The following SCLT1 variants were observed in gnomAD, a reference collection of about 807,000 sequenced individuals.
SCLT1 encodes sodium channel and clathrin linker 1, also known as sodium channel-associated protein 1.
In SCLT1, 78 loss-of-function variants were observed where a neutral mutation model predicts 112.8. That is an observed-to-expected ratio of 0.69 (90% CI 0.58 to 0.83). SCLT1 has a LOEUF of 0.83. Among genes scored for constraint, SCLT1 ranks in the 40% least tolerant of loss-of-function variants. SCLT1 has a pLI of 0.00. For missense variants in SCLT1, 747 were observed against 770.4 expected (o/e 0.97, Z 0.36); for synonymous variants, 257 against 254.7 (o/e 1.01, Z -0.09).
At chr4:128,886,621 A>G (rs954679422) in intron 20 of SCLT1, among the ~76,000 whole-genome samples, 2 of 152,228 alleles carry the variant, frequency 1.3e-5, no homozygotes, top group Non-Finnish European at 1.5e-5. Context: ...CCATCTTCAA[A>G]TAAGAACAGA....
rs199534222 is a variant in SCLT1, at chr4:129,025,179, C to G, written c.290+13862G>C. Among the ~76,000 whole-genome samples the G allele has an allele frequency of 3.9e-5, 6 of 152,186 alleles. No homozygotes were observed. In the East Asian group the frequency reaches 5.8e-4, roughly 15 times the overall value. ...ATCTAGCAAGGCAGGCCAACATTCA[C>G]ATTCAGGAAATACAGAGAACACCAT... is the stretch of plus-strand genomic sequence containing the variant. On this transcript the variant is annotated intron_variant, in intron 5 of 20. Transcript: ENST00000281142.
At chr4:129,090,368 T>C (rs966682177) in intron 1 of SCLT1, among the ~76,000 whole-genome samples, 2 of 152,222 alleles carry the variant, frequency 1.3e-5, no homozygotes, top group African/African-American at 2.4e-5. Flanking sequence ...GGTAATTCAA[T>C]GGAGAAAGGG....
Position 129,093,402 on chromosome 4 carries a change from C to A in SCLT1, c.-299G>T. 1 of 472,686 alleles carries A rather than the reference C, an allele frequency of 2.1e-6. No individual in the cohort carries two copies. The highest frequency in any genetic ancestry group is 3.8e-6 in the Non-Finnish European group (1 of 260,808). 29.3% of individuals were successfully genotyped at this position (472,686 alleles called of 1,614,324 possible). A position where few individuals can be genotyped will look rare whatever the true frequency, so the allele number is the denominator to read the frequency against. ...CGATACAGGCGTCCCGCGGGTCACT[C>A]TGGGTCTCGTCGGGCCACCTAGGAG... On this transcript the variant is annotated 5_prime_UTR_variant, in exon 1 of 21. Transcript: ENST00000281142.
chr4:128,966,891 C>T (rs952411551), intron 10 of SCLT1, among the ~76,000 whole-genome samples: 2 of 150,750 alleles, frequency 1.3e-5, no homozygotes, highest in African/African-American at 2.4e-5. Context: ...TCAGGGGGTA[C>T]ATGGGCAGGT....
intron 19 of SCLT1, 26 bp from the exon 20 acceptor site, chr4:128,888,800 T>G (rs776336097): frequency 2.1e-6 from 3 of 1,419,880 alleles, no homozygotes; most frequent in Non-Finnish European, 3.0e-6. Flanking sequence ...AGAAAACAAG[T>G]TAGAAATCCA....
At chr4:128,968,069 T>C (rs1036446734) in intron 10 of SCLT1, among the ~76,000 whole-genome samples, 1 of 152,220 alleles carries the variant, frequency 6.6e-6, no homozygotes, top group African/African-American at 2.4e-5. Flanking sequence ...TTGTGATGTA[T>C]CTCAAAGTGA....
chr4:129,061,277 G>A (rs1749944956), intron 2 of SCLT1, among the ~76,000 whole-genome samples: 1 of 152,046 alleles, frequency 6.6e-6, no homozygotes, highest in East Asian at 1.9e-4. Context: ...TCCAGCTTTG[G>A]GGGCATCAGA....
chr4:128,930,213 A>G (rs1252573011), intron 18 of SCLT1, among the ~76,000 whole-genome samples: 4 of 152,204 alleles, frequency 2.6e-5, no homozygotes, highest in Non-Finnish European at 5.9e-5. Flanking sequence ...GAGGGAAGAC[A>G]GCTGCCAAGT....
intron 20 of SCLT1, among the ~76,000 whole-genome samples, chr4:128,887,014 C>T (rs1250375374): frequency 1.3e-5 from 2 of 152,138 alleles, no homozygotes; most frequent in African/African-American, 4.8e-5. Context: ...ATAGGAAATG[C>T]TTTACATGTG....
intron 2 of SCLT1, among the ~76,000 whole-genome samples, chr4:129,079,867 C>G (rs1751786879): frequency 6.6e-6 from 1 of 152,246 alleles, no homozygotes; most frequent in South Asian, 2.1e-4. Context: ...CCTCTGAAAT[C>G]CAGGCAGAAG....
chr4:128,996,596 C>T (rs1476641115), intron 8 of SCLT1, among the ~76,000 whole-genome samples: 2 of 152,182 alleles, frequency 1.3e-5, no homozygotes, highest in East Asian at 3.9e-4. Flanking sequence ...GTCTTGTTTG[C>T]TATTCATTAT....
At chr4:128,994,749 T>C (rs141351519) in intron 8 of SCLT1, among the ~76,000 whole-genome samples, 511 of 152,258 alleles carry the variant, frequency 3.4e-3, no homozygotes, top group Non-Finnish European at 6.0e-3. Context: ...TTAGTATTTA[T>C]GTTTCCCTAA....
intron 2 of SCLT1, among the ~76,000 whole-genome samples, chr4:129,049,427 A>G (rs1353628822): frequency 6.9e-6 from 1 of 144,950 alleles, no homozygotes; most frequent in Non-Finnish European, 1.5e-5. Context: ...GGAATTGAAC[A>G]ATGAGAACAC....
intron 5 of SCLT1, among the ~76,000 whole-genome samples, chr4:129,018,348 T>C (rs755992312): frequency 3.9e-5 from 6 of 152,240 alleles, no homozygotes; most frequent in Non-Finnish European, 2.9e-5. Context: ...CCTGTTATTA[T>C]AATTGCACAA....
chr4:128,959,546 T>C (rs1253644569), intron 12 of SCLT1, 54 bp downstream of exon 12: 1 of 1,350,426 alleles, frequency 7.4e-7, no homozygotes, highest in Admixed American at 1.8e-5. Flanking sequence ...TGAGGTCACA[T>C]GGGAGAATAG....
chr4:128,914,993 T>C (rs756116051), intron 18 of SCLT1, among the ~76,000 whole-genome samples: 10 of 152,110 alleles, frequency 6.6e-5, no homozygotes, highest in Admixed American at 3.9e-4. Flanking sequence ...GGGCACGGCA[T>C]ACTAGAATTC....
chr4:129,011,583 A>T (rs1579691936), intron 5 of SCLT1, among the ~76,000 whole-genome samples: 1 of 149,518 alleles, frequency 6.7e-6, no homozygotes, highest in Non-Finnish European at 1.5e-5. Context: ...ATACCTAAGC[A>T]TTTTTTTTTT....
At chr4:129,066,143 C>G (rs1413716685) in intron 2 of SCLT1, among the ~76,000 whole-genome samples, 2 of 151,954 alleles carry the variant, frequency 1.3e-5, no homozygotes, top group East Asian at 3.9e-4. Flanking sequence ...ATAAAATTCA[C>G]AGCAGAAAAA....
intron 2 of SCLT1, among the ~76,000 whole-genome samples, chr4:129,065,520 A>C (rs1750399661): frequency 6.6e-6 from 1 of 152,096 alleles, no homozygotes; most frequent in African/African-American, 2.4e-5. Flanking sequence ...CCAACTATTC[A>C]AGCCTGTTGC....
Sources: gnomAD v4.1 joint callset for allele counts (sites outside exome capture counted in the v4.1 genomes callset) on GRCh38, gnomAD v4.1.1 for gene constraint, MANE v1.5 for transcripts, NCBI Gene and HGNC (gene_info 2026-07-23, HGNC 2026-07-21) for gene names.